The following SLC35F4 variants were observed in gnomAD, a reference collection of about 807,000 sequenced individuals.
SLC35F4 encodes chromosome 14 open reading frame 36.
Under a neutral mutation model 44.2 loss-of-function variants are expected in SLC35F4, and 24 were observed. That is an observed-to-expected ratio of 0.54 (90% CI 0.39 to 0.76). The LOEUF (loss-of-function observed/expected upper bound fraction) is 0.76. Among genes scored for constraint, SLC35F4 ranks in the 30% least tolerant of loss-of-function variants. The probability of loss-of-function intolerance (pLI) is 0.00; values close to 1 mark genes in which losing one functional copy is unlikely to be tolerated. For missense variants in SLC35F4, 562 were observed against 586.1 expected, an observed-to-expected ratio of 0.96 and a Z score of 0.42; for synonymous variants, 238 against 223.6, an observed-to-expected ratio of 1.06 and a Z score of -0.57.
intron 1 of SLC35F4, among the ~76,000 whole-genome samples, chr14:57,701,310 G>A (rs2075533074): frequency 6.6e-6 from 1 of 152,130 alleles, no homozygotes; most frequent in Admixed American, 6.6e-5. Context: ...CATCTCCTAT[G>A]ATAACAATGC....
chr14:57,623,421 G>A (rs550266321), intron 1 of SLC35F4, among the ~76,000 whole-genome samples: 26 of 152,198 alleles, frequency 1.7e-4, no homozygotes, highest in African/African-American at 5.5e-4. Flanking sequence ...AATTAACAAG[G>A]ATATCCACGA....
intron 1 of SLC35F4, among the ~76,000 whole-genome samples, chr14:57,718,856 T>C (rs36071220): frequency 6.6e-6 from 1 of 152,182 alleles, no homozygotes; most frequent in Non-Finnish European, 1.5e-5. Flanking sequence ...TGTGATCCCA[T>C]TTGTCTATTT....
intron 1 of SLC35F4, among the ~76,000 whole-genome samples, chr14:57,706,929 A>T (rs1296008986): frequency 1.3e-5 from 2 of 152,168 alleles, no homozygotes; most frequent in Admixed American, 6.5e-5. Flanking sequence ...TTCTGAAAAG[A>T]TCTCTCTCTC....
rs141939486 is a variant in SLC35F4, at chr14:57,594,574, A to G, written c.104-450T>C. ...TAGATAAATCTATTCACTAGAAATG[A>G]ACACTAGAAGATGGTATTTGGATTG... On this transcript the variant is annotated intron_variant, in intron 1 of 7. Transcript: ENST00000556826. 1.6e-3 allele frequency among the ~76,000 whole-genome samples: 246 copies of G among 152,350 alleles called. 2 individuals carry two copies. Among genetic ancestry groups the G allele is most frequent in the Middle Eastern group, 6.8e-3 (2 of 294 alleles).
intron 1 of SLC35F4, among the ~76,000 whole-genome samples, chr14:57,830,587 C>T (rs1485216085): frequency 2.0e-5 from 3 of 152,170 alleles, no homozygotes; most frequent in Non-Finnish European, 2.9e-5. Flanking sequence ...TGGAAACTCA[C>T]TTATGAAGCC....
At chr14:57,837,091 C>T (rs1331979897) in intron 1 of SLC35F4, among the ~76,000 whole-genome samples, 1 of 152,148 alleles carries the variant, frequency 6.6e-6, no homozygotes, top group African/African-American at 2.4e-5. Context: ...TTACACTGGT[C>T]TTCCACTTAT....
intron 1 of SLC35F4, among the ~76,000 whole-genome samples, chr14:57,750,785 A>G (rs944533798): frequency 3.9e-5 from 6 of 152,016 alleles, no homozygotes; most frequent in African/African-American, 1.5e-4. Flanking sequence ...TATATTCTGG[A>G]TATTAGTCCC....
chr14:57,868,661 A>G (rs928446639), upstream of SLC35F4, among the ~76,000 whole-genome samples: 6 of 152,204 alleles, frequency 3.9e-5, no homozygotes, highest in African/African-American at 1.2e-4. Context: ...TATTTTTAGT[A>G]GAGATGGGGT....
rs558517699 is a variant in SLC35F4 at position 57,872,971 on chromosome 14, C to G, written n.282+108942G>C. On this transcript the variant is annotated intron_variant and non_coding_transcript_variant, in intron 1 of 1. Transcript: ENST00000556568. ...ACCCCTGCTCCACCAATCACAGCAT[C>G]CATTCCAAATTTTGAATGGGAAGCC... 4.6e-5 allele frequency among the ~76,000 whole-genome samples: 7 copies of G among 152,354 alleles called. No individual in the cohort carries two copies. The South Asian group carries it at 1.4e-3, about 32-fold the overall frequency.
intron 1 of SLC35F4, among the ~76,000 whole-genome samples, chr14:57,646,096 T>A (rs1170615812): frequency 6.6e-6 from 1 of 152,196 alleles, no homozygotes; most frequent in South Asian, 2.1e-4. Context: ...TTTTTTGTTG[T>A]GTCTCTGCCA....
chr14:57,930,226 G>C lies in SLC35F4; in HGVS notation n.282+51687C>G, dbSNP rs140849198. Among the ~76,000 whole-genome samples, 3 of 152,306 alleles carry C rather than the reference G, an allele frequency of 2.0e-5. No individual in the cohort carries two copies. The East Asian group carries it at 5.8e-4, about 29-fold the overall frequency. On this transcript the variant is annotated intron_variant and non_coding_transcript_variant, in intron 1 of 1. Transcript: ENST00000556568. ...CTTCCTTGCCTTCTTGTTCACAAGA[G>C]ATCATTGAGCAAGAAGGAACTGCAT...
intron 1 of SLC35F4, among the ~76,000 whole-genome samples, chr14:57,651,809 T>C (rs1054869292): frequency 6.6e-6 from 1 of 151,970 alleles, no homozygotes; most frequent in African/African-American, 2.4e-5. Flanking sequence ...CAGAGGGGCG[T>C]GAAATACTGA....
chr14:57,672,987 A>T (rs544855622), intron 1 of SLC35F4, among the ~76,000 whole-genome samples: 1 of 152,090 alleles, frequency 6.6e-6, no homozygotes, highest in Non-Finnish European at 1.5e-5. Context: ...TCAATAAAAA[A>T]ATAAAATTTG....
At position 57,575,987 on chromosome 14, in the gene SLC35F4, C is replaced by CTT. The variant is rs77706039; in HGVS notation, c.808-3970_808-3969dup. Among the ~76,000 whole-genome samples the CTT allele has an allele frequency of 6.1e-3, 912 of 148,840 alleles. 3 individuals are homozygous for CTT. The highest frequency in any genetic ancestry group is 0.021 in the Middle Eastern group (6 of 290). ...TTTGGCCGTTTTTGTTTTCTTGTAT[C>CTT]TTTTTTTTTTCTTTTTTCTTTTTCT... On this transcript the variant is annotated intron_variant, in intron 4 of 7. Coordinates refer to ENST00000556826, the MANE Select transcript of SLC35F4 (RefSeq NM_001306087.2).
intron 1 of SLC35F4, among the ~76,000 whole-genome samples, chr14:57,850,709 T>C (rs1349487589): frequency 6.6e-6 from 1 of 152,208 alleles, no homozygotes; most frequent in Non-Finnish European, 1.5e-5. Flanking sequence ...AAACTAAGGA[T>C]CCAGAGTGAC....
At chr14:57,691,070 T>C (rs1337090159) in intron 1 of SLC35F4, among the ~76,000 whole-genome samples, 2 of 152,028 alleles carry the variant, frequency 1.3e-5, no homozygotes, top group African/African-American at 4.8e-5. Context: ...AAACATGAAG[T>C]AATGACATCT....
chr14:57,695,180 T>G (rs888054412), intron 1 of SLC35F4, among the ~76,000 whole-genome samples: 8 of 152,042 alleles, frequency 5.3e-5, no homozygotes, highest in African/African-American at 1.7e-4. Context: ...GGGATCTAAT[T>G]AAACTAAAGA....
At chr14:57,835,340 T>A (rs755984205) in intron 1 of SLC35F4, among the ~76,000 whole-genome samples, 1 of 152,148 alleles carries the variant, frequency 6.6e-6, no homozygotes, top group Non-Finnish European at 1.5e-5. Flanking sequence ...TACAGCTACT[T>A]CTCAACAATT....
intron 1 of SLC35F4, among the ~76,000 whole-genome samples, chr14:57,915,256 A>G (rs1282351921): frequency 6.6e-6 from 1 of 152,108 alleles, no homozygotes; most frequent in Non-Finnish European, 1.5e-5. Flanking sequence ...CTCTAGGCCT[A>G]TGATAGAGGG....
Sources: gnomAD v4.1 joint callset for allele counts (sites outside exome capture counted in the v4.1 genomes callset) on GRCh38, gnomAD v4.1.1 for gene constraint, MANE v1.5 for transcripts, NCBI Gene and HGNC (gene_info 2026-07-23, HGNC 2026-07-21) for gene names.